The following TAFA1 variants were observed in gnomAD, a reference collection of about 807,000 sequenced individuals.
TAFA1 encodes TAFA chemokine like family member 1.
Under a neutral mutation model 18.5 loss-of-function variants are expected in TAFA1, and 4 were observed. The ratio of observed to expected loss-of-function variants is 0.22; its 90% CI spans 0.11 to 0.49. The LOEUF (loss-of-function observed/expected upper bound fraction) is 0.49, where lower values mean the gene tolerates loss of function less well. TAFA1 is among the 20% of genes least tolerant of loss of function. TAFA1 has a pLI of 0.98. For synonymous variants in TAFA1, 56 were observed against 55.2 expected, an observed-to-expected ratio of 1.01 and a Z score of -0.06; for missense variants, 147 against 169.0, an observed-to-expected ratio of 0.87 and a Z score of 0.72.
At chr3:68,083,835 A>T (rs369925669) in intron 2 of TAFA1, among the ~76,000 whole-genome samples, 3 of 151,890 alleles carry the variant, frequency 2.0e-5, no homozygotes, top group East Asian at 1.9e-4. Context: ...TTTCATGATC[A>T]TGCTTCTTCA....
intron 2 of TAFA1, among the ~76,000 whole-genome samples, chr3:68,133,722 C>T (rs567372902): frequency 2.4e-4 from 36 of 152,018 alleles, no homozygotes; most frequent in African/African-American, 8.4e-4. Context: ...GATTTTGTAT[C>T]CAAACCCCAA....
intron 3 of TAFA1, among the ~76,000 whole-genome samples, chr3:68,509,011 G>C (rs2072807867): frequency 6.6e-6 from 1 of 152,070 alleles, no homozygotes; most frequent in Non-Finnish European, 1.5e-5. Flanking sequence ...ATTCTGGTCT[G>C]TCTAACCCAA....
chr3:68,306,606 G>A (rs1230564399), intron 2 of TAFA1, among the ~76,000 whole-genome samples: 3 of 152,018 alleles, frequency 2.0e-5, no homozygotes, highest in Admixed American at 6.6e-5. Flanking sequence ...TGTCCCCTCC[G>A]CCTCCACCTC....
chr3:68,386,389 C>A (rs956665340), intron 2 of TAFA1, among the ~76,000 whole-genome samples: 1 of 151,868 alleles, frequency 6.6e-6, no homozygotes, highest in African/African-American at 2.4e-5. Context: ...GAGGTGGTTA[C>A]GAGTTTTTTT....
At chr3:68,233,377 A>G (rs1276466769) in intron 2 of TAFA1, among the ~76,000 whole-genome samples, 3 of 152,102 alleles carry the variant, frequency 2.0e-5, no homozygotes, top group Non-Finnish European at 2.9e-5. Flanking sequence ...AGTACCATTT[A>G]TGGAAGAGAA....
intron 2 of TAFA1, among the ~76,000 whole-genome samples, chr3:68,148,201 C>T (rs1325203006): frequency 6.6e-6 from 1 of 152,194 alleles, no homozygotes; most frequent in East Asian, 1.9e-4. Flanking sequence ...CTAATGGGTC[C>T]TATCTGAAGA....
intron 3 of TAFA1, among the ~76,000 whole-genome samples, chr3:68,460,363 T>A (rs1237173975): frequency 1.3e-5 from 2 of 152,164 alleles, no homozygotes; most frequent in African/African-American, 2.4e-5. Context: ...TTTGTTTTTT[T>A]CTTCAGCATC....
intron 3 of TAFA1, among the ~76,000 whole-genome samples, chr3:68,495,925 T>C (rs2106692831): frequency 6.6e-6 from 1 of 151,012 alleles, no homozygotes; most frequent in South Asian, 2.1e-4. Flanking sequence ...TTTGAAGTGC[T>C]TCTGTTTATT....
At chr3:68,107,251 A>G (rs779556873) in intron 2 of TAFA1, among the ~76,000 whole-genome samples, 36 of 152,110 alleles carry the variant, frequency 2.4e-4, no homozygotes, top group Non-Finnish European at 2.6e-4. Flanking sequence ...CAACTATTAA[A>G]TGTCTACCAG....
At chr3:68,164,992 A>G (rs1178481728) in intron 2 of TAFA1, among the ~76,000 whole-genome samples, 3 of 151,968 alleles carry the variant, frequency 2.0e-5, no homozygotes, top group Non-Finnish European at 2.9e-5. Context: ...TCTTCCTTCT[A>G]TGTTGTGAAT....
At chr3:68,448,462 G>C (rs919273705) in intron 3 of TAFA1, among the ~76,000 whole-genome samples, 3 of 152,082 alleles carry the variant, frequency 2.0e-5, no homozygotes, top group Non-Finnish European at 4.4e-5. Context: ...TTAATACGAC[G>C]ACTGTACTGT....
At chr3:68,393,566 A>G (rs1371704770) in intron 2 of TAFA1, among the ~76,000 whole-genome samples, 1 of 152,146 alleles carries the variant, frequency 6.6e-6, no homozygotes, top group Non-Finnish European at 1.5e-5. Context: ...TGAAAAAAAG[A>G]AAATTTCAGG....
intron 2 of TAFA1, among the ~76,000 whole-genome samples, chr3:68,086,017 C>T (rs574302684): frequency 2.6e-5 from 4 of 152,184 alleles, no homozygotes; most frequent in Admixed American, 1.3e-4. Context: ...GATGAGCCCA[C>T]GATTCTCCCC....
intron 2 of TAFA1, among the ~76,000 whole-genome samples, chr3:68,076,281 C>CT (rs57929396): frequency 0.37 from 55,035 of 147,408 alleles, 10,313 homozygotes; most frequent in East Asian, 0.49. Context: ...GTTCCTACTT[C>CT]TTTTTTTTTT....
At chr3:68,306,600 C>T (rs530736781) in intron 2 of TAFA1, among the ~76,000 whole-genome samples, 88 of 152,058 alleles carry the variant, frequency 5.8e-4, no homozygotes, top group Non-Finnish European at 9.4e-4. Context: ...GTTGAGTGTC[C>T]CCTCCGCCTC....
chr3:68,511,338 G>T (rs1333587269), intron 3 of TAFA1, among the ~76,000 whole-genome samples: 2 of 152,072 alleles, frequency 1.3e-5, no homozygotes, highest in Non-Finnish European at 2.9e-5. Flanking sequence ...GTTGCCATAA[G>T]TGTTATTAAC....
chr3:68,505,951 C>T (rs2072743180), intron 3 of TAFA1, among the ~76,000 whole-genome samples: 1 of 151,286 alleles, frequency 6.6e-6, no homozygotes, highest in African/African-American at 2.4e-5. Context: ...AGGTTTGTTA[C>T]ATAGATATAC....
rs867279371 is a variant in TAFA1, at chr3:68,238,423, G to C, written c.119-178857G>C. Among the ~76,000 whole-genome samples the C allele has an allele frequency of 2.6e-5, 4 of 152,330 alleles. No homozygotes were observed. The Middle Eastern group carries it at 0.01, about 389-fold the overall frequency. On this transcript the variant is annotated intron_variant, in intron 2 of 4. Coordinates refer to ENST00000478136, the MANE Select transcript of TAFA1 (RefSeq NM_213609.4). ...TTCTCTGAAGAATCGGCAATGTGATGCCAGATGTAAGATCTGGAAGAAGCA... is the reference window on the plus strand; with the variant it reads ...TTCTCTGAAGAATCGGCAATGTGATCCCAGATGTAAGATCTGGAAGAAGCA...
At chr3:68,381,582 G>A (rs2069958296) in intron 2 of TAFA1, among the ~76,000 whole-genome samples, 2 of 152,148 alleles carry the variant, frequency 1.3e-5, no homozygotes, top group Non-Finnish European at 2.9e-5. Flanking sequence ...GTCTGTTATT[G>A]TTGTATAAGA....
Sources: gnomAD v4.1 joint callset for allele counts (sites outside exome capture counted in the v4.1 genomes callset) on GRCh38, gnomAD v4.1.1 for gene constraint, MANE v1.5 for transcripts, NCBI Gene and HGNC (gene_info 2026-07-23, HGNC 2026-07-21) for gene names.